ZNF521: variants seen among roughly 807,000 people sequenced by gnomAD.
ZNF521 encodes the protein LYST-interacting protein 3.
A neutral mutation model predicts 105.5 loss-of-function variants in ZNF521; 14 were observed. That is an observed-to-expected ratio of 0.13 (90% CI 0.09 to 0.21). The LOEUF (loss-of-function observed/expected upper bound fraction) is 0.21, where lower values mean the gene tolerates loss of function less well. Among genes scored for constraint, ZNF521 ranks in the 10% least tolerant of loss-of-function variants. The pLI is 1.00. For synonymous variants in ZNF521, 635 were observed against 606.0 expected, an observed-to-expected ratio of 1.05 and a Z score of -0.70; for missense variants, 1,233 against 1,629.7, an observed-to-expected ratio of 0.76 and a Z score of 4.19.
At chr18:25,192,436 A>C (rs1222489706) in intron 5 of ZNF521, among the ~76,000 whole-genome samples, 2 of 152,132 alleles carry the variant, frequency 1.3e-5, no homozygotes, top group African/African-American at 2.4e-5. Flanking sequence ...GATTGCACAC[A>C]AACATAGGTG....
chr18:25,317,933 T>C (rs1202036008), intron 3 of ZNF521, among the ~76,000 whole-genome samples: 2 of 152,130 alleles, frequency 1.3e-5, no homozygotes, highest in Non-Finnish European at 2.9e-5. Context: ...ACATATCATA[T>C]CTCATGCCCT....
chr18:25,241,915 C>A (rs1360084679), intron 3 of ZNF521, among the ~76,000 whole-genome samples: 1 of 152,064 alleles, frequency 6.6e-6, no homozygotes, highest in Non-Finnish European at 1.5e-5. Context: ...AGAATGTATG[C>A]GTGCTTTTAA....
intron 3 of ZNF521, among the ~76,000 whole-genome samples, chr18:25,268,346 T>C (rs1909414612): frequency 6.6e-6 from 1 of 152,090 alleles, no homozygotes; most frequent in South Asian, 2.1e-4. Context: ...TAGAACCAAG[T>C]TGGAAAACAC....
chr18:25,167,782 T>C (rs528123716), intron 5 of ZNF521, among the ~76,000 whole-genome samples: 1 of 152,298 alleles, frequency 6.6e-6, no homozygotes, highest in East Asian at 1.9e-4. Flanking sequence ...CTGGGGTGTC[T>C]GAACGGAGAG....
chr18:25,276,685 C>T (rs1414515106), intron 3 of ZNF521, among the ~76,000 whole-genome samples: 2 of 152,208 alleles, frequency 1.3e-5, no homozygotes, highest in African/African-American at 4.8e-5. Context: ...ACATCCCACA[C>T]TTCAATTTTA....
chr18:25,119,054 G>A (rs1304647127), intron 5 of ZNF521, among the ~76,000 whole-genome samples: 1 of 151,924 alleles, frequency 6.6e-6, no homozygotes, highest in Non-Finnish European at 1.5e-5. Context: ...CAACTGCTCT[G>A]GAAAATATAA....
At position 25,224,590 on chromosome 18, in the gene ZNF521, G is replaced by A. The variant is rs1218454080; in HGVS notation, c.3328C>T (p.Pro1110Ser). ...SKSASPGINV[P>S]PGTNRPGLGQ... ...AAGCCTGGTCTATTCGTGCCGGGAG[G>A]GACGTTAATGCCTGGGCTGGCGCTC... The change falls in exon 4 of 8, where the codon CCT becomes TCT. Residue 1110 changes from proline (P) to serine (S), a missense_variant. Coordinates refer to ENST00000361524, the MANE Select transcript of ZNF521 (RefSeq NM_015461.3). The A allele has an allele frequency of 4.3e-6, 7 of 1,614,114 alleles. No individual in the cohort carries two copies. The highest frequency in any genetic ancestry group is 4.2e-6 in the Non-Finnish European group (5 of 1,180,010).
At chr18:25,243,703 A>T (rs1907507388) in intron 3 of ZNF521, among the ~76,000 whole-genome samples, 1 of 152,230 alleles carries the variant, frequency 6.6e-6, no homozygotes, top group Non-Finnish European at 1.5e-5. Context: ...AATGTGGATT[A>T]TTCAACTGAT....
At chr18:25,317,597 T>C (rs918658819) in intron 3 of ZNF521, among the ~76,000 whole-genome samples, 4 of 152,214 alleles carry the variant, frequency 2.6e-5, no homozygotes, top group African/African-American at 4.8e-5. Flanking sequence ...CCCATGTCTT[T>C]ATCCTAATGT....
At chr18:25,240,382 AC>A (rs1265499935) in intron 3 of ZNF521, among the ~76,000 whole-genome samples, 1 of 152,106 alleles carries the variant, frequency 6.6e-6, no homozygotes, top group Admixed American at 6.5e-5. Flanking sequence ...AACAACAACA[AC>A]AAAAACAACA....
chr18:25,094,607 C>A (rs1167821949), intron 5 of ZNF521, among the ~76,000 whole-genome samples: 1 of 152,058 alleles, frequency 6.6e-6, no homozygotes, highest in Non-Finnish European at 1.5e-5. Context: ...GGAAGTTCTA[C>A]CTGCCTTTTA....
At chr18:25,295,336 C>T (rs375292894) in intron 3 of ZNF521, among the ~76,000 whole-genome samples, 62 of 152,260 alleles carry the variant, frequency 4.1e-4, no homozygotes, top group African/African-American at 1.4e-3. Flanking sequence ...AGCCATCATT[C>T]ATTCATTTTC....
intron 5 of ZNF521, among the ~76,000 whole-genome samples, chr18:25,098,313 A>G (rs2033894818): frequency 6.6e-6 from 1 of 152,206 alleles, no homozygotes; most frequent in African/African-American, 2.4e-5. Flanking sequence ...AAACCTGGCC[A>G]GTACATTAGC....
At chr18:25,096,538 GC>G (rs1229427688) in intron 5 of ZNF521, among the ~76,000 whole-genome samples, 2 of 152,162 alleles carry the variant, frequency 1.3e-5, no homozygotes. Flanking sequence ...CCTTTAAGCA[GC>G]CTCCAGACTG....
intron 7 of ZNF521, among the ~76,000 whole-genome samples, chr18:25,072,179 T>G (rs1401726212): frequency 6.6e-6 from 1 of 152,234 alleles, no homozygotes; most frequent in Non-Finnish European, 1.5e-5. Context: ...AATACCCAGT[T>G]TGACCTTAGT....
intron 3 of ZNF521, among the ~76,000 whole-genome samples, chr18:25,316,940 C>T (rs148054368): frequency 1.3e-3 from 202 of 151,720 alleles, no homozygotes; most frequent in Middle Eastern, 3.4e-3. Context: ...CTGCAACCTC[C>T]GCCTCCTGGG....
intron 3 of ZNF521, among the ~76,000 whole-genome samples, chr18:25,295,249 T>C (rs1911261029): frequency 6.6e-6 from 1 of 152,166 alleles, no homozygotes; most frequent in South Asian, 2.1e-4. Flanking sequence ...ATGTGAATGG[T>C]TCCATACTGT....
At chr18:25,350,847 C>T (rs1420057525) in intron 2 of ZNF521, 60 bp downstream of exon 2, 6 of 1,532,070 alleles carry the variant, frequency 3.9e-6, no homozygotes, top group Non-Finnish European at 2.6e-6. Context: ...GCCCTCGCTC[C>T]GCTACCCACA....
chr18:25,322,040 G>A lies in ZNF521; in HGVS notation c.188C>T (p.Thr63Ile). 1 of 1,614,186 alleles carries A rather than the reference G, an allele frequency of 6.2e-7. No homozygotes were observed. Among genetic ancestry groups the A allele is most frequent in the Non-Finnish European group, 8.5e-7 (1 of 1,180,042 alleles). The change falls in exon 3 of 8, where the codon ACA becomes ATA. Residue 63 changes from threonine to isoleucine, a missense_variant. By Grantham distance (89) the Thr-to-Ile change is moderately conservative. This residue lies in a region of ZNF521 where 76 missense variants were observed against 79.3 expected (regional missense o/e 0.96). Transcript: ENST00000361524. ...LQVFESLSDI[T>I]EHKINQCQLT... ...TTGACATTGATTAATCTTGTGTTCT[G>A]TGATATCGCTCAGCGATTCAAACAC...
Sources: gnomAD v4.1 joint callset for allele counts (sites outside exome capture counted in the v4.1 genomes callset) on GRCh38, gnomAD v4.1.1 for gene constraint, gnomAD v4.1.1 regional missense constraint, MANE v1.5 for transcripts, NCBI Gene and HGNC (gene_info 2026-07-23, HGNC 2026-07-21) for gene names.